Variants in UBE2V1 observed in about 807,000 individuals in gnomAD.
UBE2V1 encodes the protein ubiquitin-conjugating enzyme E2 variant 1.
Under a neutral mutation model 19.6 loss-of-function variants are expected in UBE2V1, and 15 were observed. The observed-to-expected ratio is 0.77, with a 90% CI of 0.51 to 1.18. UBE2V1 has a LOEUF of 1.18. UBE2V1 is among the 50% of genes most tolerant of loss of function. The probability of loss-of-function intolerance (pLI) is 0.00; values close to 1 mark genes in which losing one functional copy is unlikely to be tolerated. For missense variants in UBE2V1, 125 were observed against 184.8 expected (o/e 0.68, Z 1.88); for synonymous variants, 60 against 60.7 (o/e 0.99, Z 0.05).
chr20:50,096,529 C>A (rs2079635909), intron 2 of UBE2V1, 143 bp downstream of exon 2: 1 of 1,569,538 alleles, frequency 6.4e-7, no homozygotes, highest in South Asian at 1.1e-5. Flanking sequence ...AATATATAAA[C>A]TGAAACTGGT....
At chr20:50,103,252 G>A (rs1349048146) in intron 1 of UBE2V1, among the ~76,000 whole-genome samples, 1 of 152,100 alleles carries the variant, frequency 6.6e-6, no homozygotes, top group Non-Finnish European at 1.5e-5. Flanking sequence ...TATTAGCTAG[G>A]AACAGTATTT....
intron 1 of UBE2V1, chr20:50,109,034 G>C: frequency 1.0e-6 from 1 of 985,418 alleles, no homozygotes; most frequent in South Asian, 4.7e-5. Flanking sequence ...GCTCTAGTCC[G>C]AGCATCACCA....
chr20:50,111,353 CAACCGAGTGA>C (rs1403802015), intron 1 of UBE2V1: 7 of 998,402 alleles, frequency 7.0e-6, no homozygotes, highest in Non-Finnish European at 8.4e-6. Context: ...TGTAGGTAGC[CAACCGAGTGA>C]CTGCAAGCAG....
intron 1 of UBE2V1, 89 bp downstream of exon 1, chr20:50,113,018 T>C (rs2080870929): frequency 1.8e-6 from 1 of 543,624 alleles, no homozygotes; most frequent in Non-Finnish European, 2.8e-6. Flanking sequence ...GCGGGGACCC[T>C]GGCTCCGCTG....
chr20:50,112,491 C>A (rs1601176413), intron 1 of UBE2V1, among the ~76,000 whole-genome samples: 1 of 152,272 alleles, frequency 6.6e-6, no homozygotes, highest in Non-Finnish European at 1.5e-5. Context: ...CCCCTTCATT[C>A]TCCCCAAAAG....
At chr20:50,099,558 C>A (rs1179373359) in intron 1 of UBE2V1, among the ~76,000 whole-genome samples, 2 of 152,044 alleles carry the variant, frequency 1.3e-5, no homozygotes, top group Non-Finnish European at 2.9e-5. Context: ...TAACAAAAAA[C>A]CAATTAGGAA....
At chr20:50,084,891 CTTTTTTTTTTTT>C (rs200222788) in intron 2 of UBE2V1, 8 of 109,710 alleles carry the variant, frequency 7.3e-5, no homozygotes, top group South Asian at 7.0e-4. Context: ...GAAAAGCAGT[CTTTTTTTTTTTT>C]TTTTTTTTTT....
chr20:50,113,029 C>T lies in UBE2V1; in HGVS notation c.22+78G>A, dbSNP rs926427888. 16 of 606,374 alleles carry T rather than the reference C, an allele frequency of 2.6e-5. No homozygotes were observed. In the African/African-American group the frequency reaches 2.7e-4, roughly 10 times the overall value. 37.6% of individuals were successfully genotyped at this position (606,374 alleles called of 1,614,324 possible). A position where few individuals can be genotyped will look rare whatever the true frequency, so the allele number is the denominator to read the frequency against. The stretch of plus-strand genomic sequence containing the variant: ...CGGCGCGGGGACCCTGGCTCCGCTG[C>T]AGGAGGCTTTGAGGGTCCCCGGCCC... On this transcript the variant is annotated intron_variant, in intron 1 of 3. Coordinates refer to ENST00000371674, the MANE Select transcript of UBE2V1 (RefSeq NM_001032288.3).
intron 2 of UBE2V1, among the ~76,000 whole-genome samples, chr20:50,086,356 G>A (rs929952496): frequency 1.6e-4 from 24 of 152,048 alleles, no homozygotes; most frequent in African/African-American, 4.6e-4. Flanking sequence ...GCCTTGACAG[G>A]GGCCCTCAAC....
intron 3 of UBE2V1, 125 bp from the exon 4 acceptor site, chr20:50,083,039 C>G: frequency 6.9e-7 from 1 of 1,446,684 alleles, no homozygotes; most frequent in Non-Finnish European, 9.2e-7. Context: ...GCTGCTAATC[C>G]TAATACCTTA....
chr20:50,104,441 A>C (rs1400348335), intron 1 of UBE2V1: 14 of 703,018 alleles, frequency 2.0e-5, no homozygotes, highest in Non-Finnish European at 2.3e-5. Flanking sequence ...GCGGATCACG[A>C]GGTCAGGAGA....
intron 1 of UBE2V1, among the ~76,000 whole-genome samples, chr20:50,106,004 A>C (rs1277124376): frequency 6.6e-6 from 1 of 152,216 alleles, no homozygotes; most frequent in African/African-American, 2.4e-5. Flanking sequence ...AACCAAGAGA[A>C]CTACAGGCTC....
At chr20:50,101,692 G>A (rs983228495) in intron 1 of UBE2V1, among the ~76,000 whole-genome samples, 2 of 151,610 alleles carry the variant, frequency 1.3e-5, no homozygotes, top group Non-Finnish European at 2.9e-5. Context: ...GTAACATATA[G>A]GCACACACAC....
chr20:50,109,643 G>A (rs2080616488), intron 1 of UBE2V1, among the ~76,000 whole-genome samples: 2 of 151,386 alleles, frequency 1.3e-5, no homozygotes, highest in Admixed American at 6.6e-5. Context: ...CAGCTACTCA[G>A]GAGGCTGAGG....
chr20:50,094,298 T>TTATATAATATATAATTCATTATATA (rs59144352), intron 2 of UBE2V1, among the ~76,000 whole-genome samples: 1 of 81,138 alleles, frequency 1.2e-5, no homozygotes, highest in African/African-American at 6.2e-5. Flanking sequence ...AATATATAAT[T>TTATATAATATATAATTCATTATATA]ATATATAATA....
intron 2 of UBE2V1, among the ~76,000 whole-genome samples, chr20:50,087,533 T>C (rs542460053): frequency 3.3e-5 from 5 of 152,124 alleles, no homozygotes; most frequent in Non-Finnish European, 5.9e-5. Flanking sequence ...TGAAGGAGAA[T>C]TGCTGGAACA....
In UBE2V1 at chr20:50,084,151, C is replaced by T; in HGVS notation, c.275G>A (p.Gly92Glu). 2 of 1,603,634 alleles carry T rather than the reference C, an allele frequency of 1.2e-6. No individual in the cohort carries two copies. The highest frequency in any genetic ancestry group is 1.7e-6 in the Non-Finnish European group (2 of 1,176,414). ...TACCACTCCATTAGAACTATTTACT[C>T]CATTCATATTAATTTTTGTTACAAA... ...VRFVTKINMN[G>E]VNSSNGVVDP... Residue 92 changes from glycine to glutamate, a missense_variant, in exon 3 of 4, where the codon GGA becomes GAA. Gly to Glu is a moderately conservative substitution (Grantham distance 98, BLOSUM62 -2). Coordinates refer to ENST00000371674, the MANE Select transcript of UBE2V1 (RefSeq NM_001032288.3).
intron 1 of UBE2V1, among the ~76,000 whole-genome samples, chr20:50,107,023 G>C (rs1338440249): frequency 2.6e-5 from 4 of 152,190 alleles, no homozygotes; most frequent in Admixed American, 6.5e-5. Context: ...AAATGAGGAG[G>C]TATGGAAGGT....
intron 1 of UBE2V1, among the ~76,000 whole-genome samples, chr20:50,106,660 G>A (rs1353908932): frequency 1.3e-5 from 2 of 151,416 alleles, no homozygotes; most frequent in East Asian, 2.0e-4. Flanking sequence ...GAGAAACCCC[G>A]TCTCCACTAA....
Sources: gnomAD v4.1 joint callset for allele counts (sites outside exome capture counted in the v4.1 genomes callset) on GRCh38, gnomAD v4.1.1 for gene constraint, MANE v1.5 for transcripts, NCBI Gene and HGNC (gene_info 2026-07-23, HGNC 2026-07-21) for gene names.